The following PCSK5 variants were observed in gnomAD, a reference collection of about 807,000 sequenced individuals.
PCSK5 encodes the protein proprotein convertase subtilisin/kexin type 5, also known as prohormone convertase 5.
A neutral mutation model predicts 233.2 loss-of-function variants in PCSK5; 129 were observed. The ratio of observed to expected loss-of-function variants is 0.55; its 90% CI spans 0.48 to 0.64. The LOEUF (loss-of-function observed/expected upper bound fraction) is 0.64, where lower values mean the gene tolerates loss of function less well. PCSK5 is among the 30% of genes least tolerant of loss of function. The probability of loss-of-function intolerance (pLI) is 0.00; values close to 1 mark genes in which losing one functional copy is unlikely to be tolerated. For missense variants in PCSK5, 2,076 were observed against 2,430.1 expected (o/e 0.85, Z 3.06); for synonymous variants, 825 against 879.2 (o/e 0.94, Z 1.09).
At chr9:76,240,560 A>T in intron 23 of PCSK5, 56 bp from the exon 24 acceptor site, 1 of 1,173,860 alleles carries the variant, frequency 8.5e-7, no homozygotes, top group Non-Finnish European at 1.2e-6. Context: ...TGTAGCAATT[A>T]ACGTGTCTCC....
At chr9:76,329,477 C>A (rs1829464592) in intron 33 of PCSK5, among the ~76,000 whole-genome samples, 1 of 152,112 alleles carries the variant, frequency 6.6e-6, no homozygotes, top group Non-Finnish European at 1.5e-5. Flanking sequence ...GTCCCTTTAG[C>A]CTCCTTTAAT....
intron 17 of PCSK5, 68 bp from the exon 18 acceptor site, chr9:76,188,510 T>G: frequency 1.0e-6 from 1 of 954,614 alleles, no homozygotes. Flanking sequence ...CATATGGAGT[T>G]TGGGGAGTCA....
chr9:76,352,175 C>G (rs1044030120), intron 36 of PCSK5, among the ~76,000 whole-genome samples: 2 of 152,178 alleles, frequency 1.3e-5, no homozygotes, highest in Non-Finnish European at 2.9e-5. Flanking sequence ...ATACGCTAAA[C>G]AAAGGATGGA....
intron 2 of PCSK5, among the ~76,000 whole-genome samples, chr9:75,951,986 CCATA>C (rs1824882052): frequency 6.6e-6 from 1 of 152,126 alleles, no homozygotes; most frequent in Admixed American, 6.5e-5. Flanking sequence ...CAAATTTCAA[CCATA>C]CAGCCAAATT....
intron 24 of PCSK5, among the ~76,000 whole-genome samples, chr9:76,277,398 A>C (rs1362111282): frequency 1.3e-5 from 2 of 152,158 alleles, no homozygotes; most frequent in African/African-American, 2.4e-5. Context: ...CAGTCTAGAG[A>C]AGCATGGAAA....
rs560989341 is a variant in PCSK5, at chr9:76,220,419, C to T, written c.2627-7084C>T. ...GTGGGCGCCTGTAGTCCCAGCTACT[C>T]GGAAGGCTGAGGAAGGAGAATGGCT... On this transcript the variant is annotated intron_variant, in intron 20 of 37. Transcript: ENST00000674117. Among the ~76,000 whole-genome samples the T allele has an allele frequency of 3.5e-3, 532 of 150,410 alleles. 1 individual carries two copies. Among genetic ancestry groups the T allele is most frequent in the Middle Eastern group, 0.017 (5 of 290 alleles).
At chr9:76,117,264 G>A (rs1832463938) in intron 9 of PCSK5, among the ~76,000 whole-genome samples, 1 of 152,030 alleles carries the variant, frequency 6.6e-6, no homozygotes, top group Admixed American at 6.6e-5. Flanking sequence ...ATGTGTGTGA[G>A]GCCTTGAACT....
At chr9:76,313,089 T>C (rs1828912098) in intron 30 of PCSK5, among the ~76,000 whole-genome samples, 1 of 152,200 alleles carries the variant, frequency 6.6e-6, no homozygotes, top group African/African-American at 2.4e-5. Flanking sequence ...AATTCTCTTA[T>C]CCACTTACTA....
intron 8 of PCSK5, among the ~76,000 whole-genome samples, chr9:76,104,279 AT>A (rs1242461155): frequency 6.6e-6 from 1 of 152,086 alleles, no homozygotes; most frequent in Non-Finnish European, 1.5e-5. Flanking sequence ...CCCAGCTGGA[AT>A]TTCCATTTCA....
chr9:76,324,917 T>C (rs542737870), intron 32 of PCSK5, among the ~76,000 whole-genome samples: 3 of 151,564 alleles, frequency 2.0e-5, no homozygotes, highest in Non-Finnish European at 2.9e-5. Context: ...AGCCTGAGAG[T>C]GACCTTCCAC....
chr9:76,199,502 A>T (rs1824830496), intron 20 of PCSK5, among the ~76,000 whole-genome samples: 1 of 152,170 alleles, frequency 6.6e-6, no homozygotes, highest in South Asian at 2.1e-4. Context: ...AGAATCTAGG[A>T]TCTTGAGAAT....
chr9:76,083,312 GT>G (rs1450881362), intron 7 of PCSK5, among the ~76,000 whole-genome samples: 1 of 151,660 alleles, frequency 6.6e-6, no homozygotes, highest in African/African-American at 2.4e-5. Context: ...AAATCATGCA[GT>G]TTTTTGTAGA....
At chr9:76,203,990 C>T (rs1042591452) in intron 20 of PCSK5, among the ~76,000 whole-genome samples, 1 of 152,150 alleles carries the variant, frequency 6.6e-6, no homozygotes, top group African/African-American at 2.4e-5. Context: ...TACCTCTCTT[C>T]CAGGAACATT....
chr9:76,238,866 G>A lies in PCSK5; in HGVS notation c.2867-93G>A, dbSNP rs193079809. On this transcript the variant is annotated intron_variant, in intron 22 of 37. Coordinates refer to ENST00000674117, the MANE Select transcript of PCSK5 (RefSeq NM_001372043.1). ...CACTAGGAAAAAAAAGCACTCAGTC[G>A]CATCTTTTTAAAATATAATATCTTA... 185 of 932,220 alleles carry A rather than the reference G, an allele frequency of 2.0e-4. No individual in the cohort carries two copies. The African/African-American group carries it at 2.3e-3, about 11-fold the overall frequency. 57.7% of individuals were successfully genotyped at this position (932,220 alleles called of 1,614,324 possible). A position where few individuals can be genotyped will look rare whatever the true frequency, so the allele number is the denominator to read the frequency against.
intron 30 of PCSK5, among the ~76,000 whole-genome samples, chr9:76,320,262 T>TA (rs36067822): frequency 3.3e-5 from 5 of 151,520 alleles, no homozygotes; most frequent in Admixed American, 1.3e-4. Context: ...CCGTATCTAC[T>TA]AAAAAAATAC....
At chr9:75,893,692 C>G (rs1359848172) in intron 1 of PCSK5, among the ~76,000 whole-genome samples, 2 of 152,132 alleles carry the variant, frequency 1.3e-5, no homozygotes, top group Non-Finnish European at 2.9e-5. Flanking sequence ...AGTGAAGATT[C>G]ATGGCTTCTC....
chr9:75,995,150 C>G (rs1826956746), intron 3 of PCSK5, among the ~76,000 whole-genome samples: 1 of 152,208 alleles, frequency 6.6e-6, no homozygotes, highest in African/African-American at 2.4e-5. Context: ...AGCCAGGTCC[C>G]CCACTCCATT....
At chr9:76,347,842 C>G (rs953240437) in intron 35 of PCSK5, among the ~76,000 whole-genome samples, 10 of 151,192 alleles carry the variant, frequency 6.6e-5, no homozygotes, top group Non-Finnish European at 8.8e-5. Flanking sequence ...ATGGACTGTT[C>G]TCCCTCTTTT....
chr9:76,067,727 G>A (rs924560462), intron 5 of PCSK5, among the ~76,000 whole-genome samples: 2 of 152,144 alleles, frequency 1.3e-5, no homozygotes, highest in African/African-American at 4.8e-5. Flanking sequence ...GAGATTGTCC[G>A]GTTGGGAAAG....
Sources: allele counts gnomAD v4.1 joint callset (sites outside exome capture counted in the v4.1 genomes callset), GRCh38; gene constraint gnomAD v4.1.1; transcripts MANE v1.5; gene names NCBI Gene and HGNC (gene_info 2026-07-23, HGNC 2026-07-21).